INO80D: variants seen among roughly 807,000 people sequenced by gnomAD.
INO80D encodes the protein INO80 complex subunit D.
In INO80D, 21 loss-of-function variants were observed where a neutral mutation model predicts 87.6. That is an observed-to-expected ratio of 0.24 (90% CI 0.17 to 0.35). INO80D has a LOEUF of 0.35. Among genes scored for constraint, INO80D ranks in the 10% least tolerant of loss-of-function variants. The probability of loss-of-function intolerance (pLI) is 1.00; values close to 1 mark genes in which losing one functional copy is unlikely to be tolerated. For synonymous variants in INO80D, 440 were observed against 491.0 expected (o/e 0.90, Z 1.37); for missense variants, 982 against 1,280.7 (o/e 0.77, Z 3.56).
rs371949183 is a variant in INO80D, at chr2:206,077,941, G to A, written c.-124+7960C>T. Among the ~76,000 whole-genome samples the A allele has an allele frequency of 1.1e-4, 17 of 151,240 alleles. No individual in the cohort carries two copies. The East Asian group carries it at 2.5e-3, about 23-fold the overall frequency. ...TCCATGCCAATATACTCCAAGGTTC[G>A]TTTAATCTTACTTTACAGGGGTGCA... On this transcript the variant is annotated intron_variant, in intron 1 of 10. Coordinates refer to ENST00000403263, the MANE Select transcript of INO80D (RefSeq NM_017759.5).
intron 5 of INO80D, among the ~76,000 whole-genome samples, chr2:206,044,086 G>A (rs546877484): frequency 2.0e-4 from 31 of 152,146 alleles, no homozygotes; most frequent in African/African-American, 6.5e-4. Flanking sequence ...CCAGCTACTC[G>A]GGAGGCTGTG....
chr2:206,031,201 C>T (rs1464621220), intron 5 of INO80D, among the ~76,000 whole-genome samples: 1 of 151,494 alleles, frequency 6.6e-6, no homozygotes, highest in Non-Finnish European at 1.5e-5. Context: ...TTGCAGTGAG[C>T]CAAGATCACG....
chr2:206,070,607 C>A (rs1689936376), intron 1 of INO80D, among the ~76,000 whole-genome samples: 3 of 152,036 alleles, frequency 2.0e-5, no homozygotes, highest in Admixed American at 1.3e-4. Context: ...ATAGTCCCAG[C>A]TACTCAGGAG....
chr2:206,073,358 T>C (rs1690024809), intron 1 of INO80D, among the ~76,000 whole-genome samples: 1 of 152,208 alleles, frequency 6.6e-6, no homozygotes, highest in African/African-American at 2.4e-5. Context: ...CTGATTTTAC[T>C]AAAGGTGAAG....
rs771567251 is a variant in INO80D at position 206,019,825 on chromosome 2, C to T, written c.1319G>A (p.Arg440Lys). 6.2e-7 allele frequency: 1 copy of T among 1,613,828 alleles called. No individual in the cohort carries two copies. The highest frequency in any genetic ancestry group is 8.5e-7 in the Non-Finnish European group (1 of 1,179,824). ...ACTGCATGCTGCTGGTTCCACCTCC[C>T]TCAGCTTGGTCCGGCTTATGCTAAG... The part of the protein sequence containing the change: ...SRTSISRTKL[R>K]EVEPAACSGT... Residue 440 changes from arginine to lysine, a missense_variant, in exon 7 of 11, where the codon AGG becomes AAG. By Grantham distance (26) the Arg-to-Lys change is conservative. Coordinates refer to ENST00000403263, the MANE Select transcript of INO80D (RefSeq NM_017759.5).
chr2:206,041,029 G>A (rs375359524), intron 5 of INO80D, among the ~76,000 whole-genome samples: 81 of 152,252 alleles, frequency 5.3e-4, no homozygotes, highest in African/African-American at 1.8e-3. Flanking sequence ...AACACTTGAA[G>A]GTAGACTGTG....
intron 5 of INO80D, among the ~76,000 whole-genome samples, chr2:206,028,800 GTTTTTAACCACC>G (rs1468929157): frequency 6.6e-6 from 1 of 152,082 alleles, no homozygotes; most frequent in African/African-American, 2.4e-5. Context: ...AACCATTCTG[GTTTTTAACCACC>G]TTTTTCTTGC....
intron 6 of INO80D, among the ~76,000 whole-genome samples, chr2:206,022,773 G>A (rs180949029): frequency 2.0e-5 from 3 of 152,088 alleles, no homozygotes; most frequent in Non-Finnish European, 4.4e-5. Flanking sequence ...GAGTGCAATG[G>A]TGCAATCTCA....
At chr2:206,015,172 G>C (rs891742794) in intron 8 of INO80D, among the ~76,000 whole-genome samples, 3 of 152,170 alleles carry the variant, frequency 2.0e-5, no homozygotes, top group African/African-American at 7.2e-5. Flanking sequence ...TTTGCAGCCT[G>C]ACAATGCAGT....
intron 1 of INO80D, among the ~76,000 whole-genome samples, chr2:206,078,061 C>CAAAAAA (rs71410859): frequency 0.016 from 995 of 63,042 alleles, 126 homozygotes; most frequent in East Asian, 0.023. Flanking sequence ...GCAATGTTTA[C>CAAAAAA]AAAAAAAAAA....
At chr2:206,021,705 C>T (rs964455604) in intron 6 of INO80D, among the ~76,000 whole-genome samples, 3 of 152,078 alleles carry the variant, frequency 2.0e-5, no homozygotes, top group Non-Finnish European at 4.4e-5. Flanking sequence ...CCTCACCTCC[C>T]GGGTTCAGGT....
rs562538286 is a variant in INO80D, at chr2:205,998,922, G to A, written c.*5446C>T. 6.6e-6 allele frequency: 1 copy of A among 152,340 alleles called. No individual in the cohort carries two copies. The highest frequency in any genetic ancestry group is 2.1e-4 in the South Asian group (1 of 4,832). 9.4% of individuals were successfully genotyped at this position (152,340 alleles called of 1,614,324 possible). On this transcript the variant is annotated 3_prime_UTR_variant, in exon 11 of 11. Coordinates refer to ENST00000403263, the MANE Select transcript of INO80D (RefSeq NM_017759.5). ...AGAACTATCACTGTTGAGAGGAACA[G>A]ATTCAACCCTTCCAAACAGATGAAG...
In INO80D at chr2:206,004,146, C is replaced by T. The variant is rs1376553448; in HGVS notation, c.*222G>A. On this transcript the variant is annotated 3_prime_UTR_variant, in exon 11 of 11. Transcript: ENST00000403263. The surrounding 1 kb of genome is among the most constrained non-coding windows in gnomAD (Gnocchi z 4.9). ...TGAACCACTAAGGAAACCACTGGGG[C>T]GGAGTGGGCCTGCCAGGAGGGAATG... The T allele has an allele frequency of 1.2e-5, 7 of 579,328 alleles. No individual in the cohort carries two copies. Among genetic ancestry groups the T allele is most frequent in the African/African-American group, 3.7e-5 (2 of 53,548 alleles). 35.9% of individuals were successfully genotyped at this position (579,328 alleles called of 1,614,324 possible).
intron 10 of INO80D, 126 bp from the exon 11 acceptor site, chr2:206,005,659 C>A: frequency 1.3e-6 from 1 of 788,846 alleles, no homozygotes; most frequent in Non-Finnish European, 2.0e-6. Flanking sequence ...GAAAAGTTTC[C>A]AAGATTTTGA....
In INO80D at chr2:206,085,940, C is replaced by T. The variant is rs1690456792; in HGVS notation, c.-163G>A. The stretch of plus-strand genomic sequence containing the variant: ...TTTTTTTCTCCTTCCCCCCTGTTCC[C>T]TCGGCTGGGCTGACAGATCAGAGTG... On this transcript the variant is annotated 5_prime_UTR_variant, in exon 1 of 11. Transcript: ENST00000403263. The surrounding 1 kb of genome is among the most constrained non-coding windows in gnomAD (Gnocchi z 4.5). The T allele has an allele frequency of 6.6e-6, 1 of 152,538 alleles. No homozygotes were observed. The highest frequency in any genetic ancestry group is 2.4e-5 in the African/African-American group (1 of 41,408). The allele number at this position is 152,538 out of a possible 1,614,324, so 9.4% of individuals were successfully genotyped here.
chr2:206,037,503 C>A (rs889029036), intron 5 of INO80D, among the ~76,000 whole-genome samples: 1 of 152,084 alleles, frequency 6.6e-6, no homozygotes, highest in Non-Finnish European at 1.5e-5. Context: ...AAATATCCAA[C>A]GAGCAATTCA....
chr2:206,043,633 A>G (rs1209734266), intron 5 of INO80D, among the ~76,000 whole-genome samples: 1 of 151,682 alleles, frequency 6.6e-6, no homozygotes, highest in Non-Finnish European at 1.5e-5. Flanking sequence ...GACTACAGGC[A>G]CCCGCCACCA....
chr2:206,077,486 T>C (rs1425826398), intron 1 of INO80D, among the ~76,000 whole-genome samples: 1 of 152,210 alleles, frequency 6.6e-6, no homozygotes, highest in Non-Finnish European at 1.5e-5. Context: ...AAAAATCTAA[T>C]ATCCAAAATA....
intron 5 of INO80D, among the ~76,000 whole-genome samples, chr2:206,044,726 T>A (rs968387651): frequency 6.6e-6 from 1 of 152,196 alleles, no homozygotes; most frequent in South Asian, 2.1e-4. Context: ...ATACTCCCTA[T>A]ACTGATGTCA....
Sources: allele counts gnomAD v4.1 joint callset (sites outside exome capture counted in the v4.1 genomes callset), GRCh38; gene constraint gnomAD v4.1.1; non-coding constraint Gnocchi (gnomAD v3.1); transcripts MANE v1.5; gene names NCBI Gene and HGNC (gene_info 2026-07-23, HGNC 2026-07-21).